NR3C2: variants seen among roughly 807,000 people sequenced by gnomAD.
NR3C2 encodes the protein nuclear receptor subfamily 3 group C member 2.
In NR3C2, 15 loss-of-function variants were observed where a neutral mutation model predicts 86.4. The ratio of observed to expected loss-of-function variants is 0.17; its 90% CI spans 0.12 to 0.27. NR3C2 has a LOEUF of 0.27. NR3C2 is among the 10% of genes least tolerant of loss of function. The pLI, the probability that NR3C2 is intolerant of heterozygous loss-of-function variation, is 1.00. For synonymous variants in NR3C2, 458 were observed against 450.5 expected (o/e 1.02, Z -0.21); for missense variants, 960 against 1,195.6 (o/e 0.80, Z 2.91).
At chr4:148,399,259 C>T (rs1320694861) in intron 2 of NR3C2, among the ~76,000 whole-genome samples, 2 of 152,164 alleles carry the variant, frequency 1.3e-5, no homozygotes, top group African/African-American at 4.8e-5. Context: ...ATTCTCTACA[C>T]TTGCATGAAT....
chr4:148,267,368 C>A lies in NR3C2; in HGVS notation c.1758-7251G>T, dbSNP rs570493340. Among the ~76,000 whole-genome samples, 78 of 151,990 alleles carry A rather than the reference C, an allele frequency of 5.1e-4. 1 individual carries two copies. The highest frequency in any genetic ancestry group is 4.0e-4 in the Non-Finnish European group (27 of 67,998). ...CTCCTGGTTTCCTGGGATCCTCCAC[C>A]TCAGCTTCCCGAGGAGCTGGGACTA... On this transcript the variant is annotated intron_variant, in intron 2 of 8. Coordinates refer to ENST00000358102, the MANE Select transcript of NR3C2 (RefSeq NM_000901.5).
chr4:148,376,902 T>C (rs1196162801), intron 2 of NR3C2, among the ~76,000 whole-genome samples: 1 of 152,190 alleles, frequency 6.6e-6, no homozygotes, highest in Admixed American at 6.5e-5. Context: ...CAACAAAAAC[T>C]CTTTTTCCTC....
chr4:148,183,648 G>A (rs1735747173), intron 4 of NR3C2, among the ~76,000 whole-genome samples: 1 of 152,170 alleles, frequency 6.6e-6, no homozygotes, highest in African/African-American at 2.4e-5. Context: ...GTATCTCATA[G>A]TGTTGCTGTG....
At chr4:148,297,483 G>T (rs892184723) in intron 2 of NR3C2, among the ~76,000 whole-genome samples, 1 of 151,628 alleles carries the variant, frequency 6.6e-6, no homozygotes, top group African/African-American at 2.4e-5. Context: ...ACACAGGCTG[G>T]GCATGGTGGC....
chr4:148,227,969 AAG>A (rs564880122), intron 3 of NR3C2, among the ~76,000 whole-genome samples: 5 of 152,164 alleles, frequency 3.3e-5, no homozygotes, highest in Non-Finnish European at 7.3e-5. Context: ...TGGTATTAAG[AAG>A]TCAAGATCTG....
chr4:148,097,207 G>C (rs1234073376), intron 8 of NR3C2, among the ~76,000 whole-genome samples: 1 of 152,160 alleles, frequency 6.6e-6, no homozygotes, highest in African/African-American at 2.4e-5. Flanking sequence ...TCCAGAATTT[G>C]TCATTCAAAT....
At position 148,079,984 on chromosome 4, in the gene NR3C2, G is replaced by GAGAAAATCTGATTTTCTA. The variant is rs1285289849; in HGVS notation, c.*1342_*1359dup. On this transcript the variant is annotated 3_prime_UTR_variant, in exon 9 of 9. Coordinates refer to ENST00000358102, the MANE Select transcript of NR3C2 (RefSeq NM_000901.5). Reference sequence around the variant, plus strand: ...TGCATGGAATTTTTTTTTCCCACAGGAGAAAATCTGATTTTCTAAAATGGG... The same window carrying GAGAAAATCTGATTTTCTA: ...TGCATGGAATTTTTTTTTCCCACAGGAGAAAATCTGATTTTCTAAGAAAATCTGATTTTCTAAAATGGG... The GAGAAAATCTGATTTTCTA allele has an allele frequency of 1.3e-5, 2 of 152,090 alleles. No individual in the cohort carries two copies. The highest frequency in any genetic ancestry group is 2.9e-5 in the Non-Finnish European group (2 of 68,014). 9.4% of individuals were successfully genotyped at this position (152,090 alleles called of 1,614,324 possible).
intron 2 of NR3C2, among the ~76,000 whole-genome samples, chr4:148,365,981 C>A (rs1319991521): frequency 6.6e-6 from 1 of 151,884 alleles, no homozygotes; most frequent in Non-Finnish European, 1.5e-5. Context: ...AAAAGTTATC[C>A]GTAATATCAA....
At chr4:148,349,942 T>C (rs1745190088) in intron 2 of NR3C2, among the ~76,000 whole-genome samples, 1 of 152,112 alleles carries the variant, frequency 6.6e-6, no homozygotes, top group Non-Finnish European at 1.5e-5. Context: ...AAACATAAAA[T>C]TCAGTAAATA....
At chr4:148,198,989 G>A (rs1173827521) in intron 3 of NR3C2, among the ~76,000 whole-genome samples, 1 of 151,206 alleles carries the variant, frequency 6.6e-6, no homozygotes, top group East Asian at 1.9e-4. Context: ...CTGAGGCTGA[G>A]GCAGGAGAAT....
chr4:148,090,410 A>G (rs983841025), intron 8 of NR3C2, among the ~76,000 whole-genome samples: 2 of 152,202 alleles, frequency 1.3e-5, no homozygotes, highest in East Asian at 1.9e-4. Flanking sequence ...CAGCCTACCG[A>G]CTGACATCCC....
intron 6 of NR3C2, among the ~76,000 whole-genome samples, chr4:148,143,135 C>A (rs971904305): frequency 6.6e-6 from 1 of 152,196 alleles, no homozygotes; most frequent in Non-Finnish European, 1.5e-5. Flanking sequence ...CAGGCAAAAT[C>A]TGTCTGAACA....
intron 2 of NR3C2, among the ~76,000 whole-genome samples, chr4:148,352,844 CTAAAAA>C (rs61761526): frequency 6.6e-6 from 1 of 152,030 alleles, no homozygotes; most frequent in Non-Finnish European, 1.5e-5. Flanking sequence ...AAGCAAACCC[CTAAAAA>C]TAAAGATTCT....
In NR3C2 at chr4:148,435,111, C is replaced by A. The variant is rs776100491; in HGVS notation, c.1750G>T (p.Val584Leu). 3.7e-6 allele frequency: 6 copies of A among 1,614,072 alleles called. No homozygotes were observed. Among genetic ancestry groups the A allele is most frequent in the African/African-American group, 1.3e-5 (1 of 74,920 alleles). Reference protein sequence around the residue: ...YPVLEYIPENVSSSTLRSVST... With the variant: ...YPVLEYIPENLSSSTLRSVST... ...TGGAGAAAACCAACTTACCTTGATA[C>A]ATTTTCTGGAATGTATTCTAAGACC... The change falls in exon 2 of 9, where the codon GTA (valine) becomes TTA (leucine). Residue 584 changes from valine (V) to leucine (L), a missense_variant. Transcript: ENST00000358102.
chr4:148,238,434 G>C (rs1455215628), intron 3 of NR3C2, among the ~76,000 whole-genome samples: 1 of 152,128 alleles, frequency 6.6e-6, no homozygotes, highest in Non-Finnish European at 1.5e-5. Context: ...AAATGGACCT[G>C]AAGTAAGCTA....
chr4:148,369,437 T>C (rs564124500), intron 2 of NR3C2, among the ~76,000 whole-genome samples: 1 of 152,268 alleles, frequency 6.6e-6, no homozygotes, highest in African/African-American at 2.4e-5. Context: ...CCCACAGAAA[T>C]AAATGCCCCA....
intron 7 of NR3C2, among the ~76,000 whole-genome samples, chr4:148,117,146 G>A (rs1005054509): frequency 1.1e-4 from 17 of 152,192 alleles, no homozygotes; most frequent in African/African-American, 4.1e-4. Flanking sequence ...AGCGGGAGAT[G>A]GGGCTGGGTG....
intron 4 of NR3C2, among the ~76,000 whole-genome samples, chr4:148,184,984 C>T (rs979298515): frequency 6.6e-6 from 1 of 152,190 alleles, no homozygotes; most frequent in African/African-American, 2.4e-5. Flanking sequence ...GCCATAATGC[C>T]TTTGCTGGGG....
chr4:148,263,647 G>C (rs771755495), intron 2 of NR3C2, among the ~76,000 whole-genome samples: 1 of 152,152 alleles, frequency 6.6e-6, no homozygotes, highest in Non-Finnish European at 1.5e-5. Flanking sequence ...CCTACTATCA[G>C]TCTTCTCCTT....
Sources: gnomAD v4.1 joint callset for allele counts (sites outside exome capture counted in the v4.1 genomes callset) on GRCh38, gnomAD v4.1.1 for gene constraint, MANE v1.5 for transcripts, NCBI Gene and HGNC (gene_info 2026-07-23, HGNC 2026-07-21) for gene names.